Variants in KCNMB2 observed in about 807,000 individuals in gnomAD.
The protein encoded by KCNMB2 is calcium-activated potassium channel subunit beta-2.
In KCNMB2, 9 loss-of-function variants were observed where a neutral mutation model predicts 24.5. The ratio of observed to expected loss-of-function variants is 0.37; its 90% CI spans 0.22 to 0.64. The LOEUF is 0.64. KCNMB2 is among the 30% of genes least tolerant of loss of function. The pLI, the probability that KCNMB2 is intolerant of heterozygous loss-of-function variation, is 0.63. For missense variants in KCNMB2, 226 were observed against 284.3 expected (o/e 0.79, Z 1.47); for synonymous variants, 109 against 104.4 (o/e 1.04, Z -0.27).
intron 1 of KCNMB2, among the ~76,000 whole-genome samples, chr3:178,686,025 CT>C (rs1408132947): frequency 1.3e-5 from 2 of 151,868 alleles, no homozygotes; most frequent in African/African-American, 4.8e-5. Flanking sequence ...TCTTTCATAA[CT>C]GATTTTATTG....
At chr3:178,537,749 G>T (rs1379723678) in intron 1 of KCNMB2, among the ~76,000 whole-genome samples, 1 of 152,160 alleles carries the variant, frequency 6.6e-6, no homozygotes, top group Non-Finnish European at 1.5e-5. Flanking sequence ...ATGTGAAGTG[G>T]CAGAAACATA....
At chr3:178,779,819 C>T (rs951300075) in intron 1 of KCNMB2, among the ~76,000 whole-genome samples, 2 of 152,042 alleles carry the variant, frequency 1.3e-5, no homozygotes, top group African/African-American at 4.8e-5. Context: ...TACATTAACC[C>T]ATTATGAGTT....
chr3:178,835,837 AG>A lies in KCNMB2; in HGVS notation c.424-6815del, dbSNP rs1254170927. On this transcript the variant is annotated intron_variant, in intron 4 of 4. Transcript: ENST00000452583. ...TACAGTCTTTACTGAAAGGCTTTTT[AG>A]CCACATTCTCAATTCATTTCATCAC... Among the ~76,000 whole-genome samples the A allele has an allele frequency of 3.2e-3, 483 of 152,188 alleles. 4 individuals carry two copies. Among genetic ancestry groups the A allele is most frequent in the African/African-American group, 0.011 (449 of 41,532 alleles).
chr3:178,742,346 C>T (rs539190281), intron 1 of KCNMB2, among the ~76,000 whole-genome samples: 3 of 152,192 alleles, frequency 2.0e-5, no homozygotes, highest in African/African-American at 7.2e-5. Context: ...TCTAGAGAAA[C>T]CCCTCTGATC....
chr3:178,542,854 G>T (rs1715665452), intron 1 of KCNMB2, among the ~76,000 whole-genome samples: 2 of 152,120 alleles, frequency 1.3e-5, no homozygotes, highest in South Asian at 2.1e-4. Flanking sequence ...GAATATCTTG[G>T]TTTGAATCCC....
At chr3:178,588,890 G>T (rs1434123338) in intron 1 of KCNMB2, among the ~76,000 whole-genome samples, 2 of 152,130 alleles carry the variant, frequency 1.3e-5, no homozygotes, top group African/African-American at 2.4e-5. Flanking sequence ...TGAGATAATG[G>T]ATATGAAACA....
chr3:178,754,627 T>G (rs749493998), intron 1 of KCNMB2, among the ~76,000 whole-genome samples: 1 of 152,158 alleles, frequency 6.6e-6, no homozygotes, highest in Non-Finnish European at 1.5e-5. Context: ...TCATTGAGAT[T>G]TGATGTTATG....
At chr3:178,679,869 T>C (rs918574544) in intron 1 of KCNMB2, among the ~76,000 whole-genome samples, 4 of 152,090 alleles carry the variant, frequency 2.6e-5, no homozygotes, top group African/African-American at 9.7e-5. Flanking sequence ...ATTTCCCTTA[T>C]TTTTTCCAAC....
chr3:178,821,157 C>T (rs1714610199), intron 2 of KCNMB2, among the ~76,000 whole-genome samples: 2 of 152,182 alleles, frequency 1.3e-5, no homozygotes, highest in South Asian at 4.1e-4. Flanking sequence ...ACCACCCCCA[C>T]CCTCAATTCC....
chr3:178,583,825 T>A (rs1717308033), intron 1 of KCNMB2, among the ~76,000 whole-genome samples: 2 of 152,174 alleles, frequency 1.3e-5, no homozygotes, highest in African/African-American at 4.8e-5. Context: ...GAGTTAATGG[T>A]TCCTTTCTTT....
chr3:178,675,115 G>C (rs1721028655), intron 1 of KCNMB2, among the ~76,000 whole-genome samples: 1 of 152,190 alleles, frequency 6.6e-6, no homozygotes, highest in Non-Finnish European at 1.5e-5. Flanking sequence ...TTCAGTAAAT[G>C]TCTGTAAATG....
chr3:178,716,016 G>T (rs1448205613), intron 1 of KCNMB2, among the ~76,000 whole-genome samples: 1 of 152,124 alleles, frequency 6.6e-6, no homozygotes, highest in East Asian at 1.9e-4. Context: ...GACCCTGTGA[G>T]GTATCTTTCC....
chr3:178,731,945 A>T (rs1176424587), intron 1 of KCNMB2, among the ~76,000 whole-genome samples: 1 of 152,142 alleles, frequency 6.6e-6, no homozygotes, highest in Non-Finnish European at 1.5e-5. Context: ...AGATCTAACT[A>T]CGAATATACA....
Position 178,641,905 on chromosome 3 carries a change from T to C in KCNMB2, c.-68+105194T>C, listed in dbSNP as rs1719742134. Among the ~76,000 whole-genome samples the C allele has an allele frequency of 2.0e-5, 3 of 152,172 alleles. No homozygotes were observed. The South Asian group carries it at 6.2e-4, about 31-fold the overall frequency. On this transcript the variant is annotated intron_variant, in intron 1 of 4. Coordinates refer to ENST00000452583, the MANE Select transcript of KCNMB2 (RefSeq NM_181361.3). ...TTAAAAACTTTCTTTTTAACTTTTA[T>C]ATTTCATCTCAATATGTTTCTAAAT...
intron 1 of KCNMB2, among the ~76,000 whole-genome samples, chr3:178,745,451 G>A (rs190327873): frequency 1.2e-3 from 186 of 152,210 alleles, no homozygotes; most frequent in Admixed American, 3.9e-3. Context: ...CCCACAACAC[G>A]TGGGAATTCA....
chr3:178,788,763 A>C (rs1461399837), intron 1 of KCNMB2, among the ~76,000 whole-genome samples: 1 of 152,210 alleles, frequency 6.6e-6, no homozygotes, highest in African/African-American at 2.4e-5. Flanking sequence ...ATGCAATGCA[A>C]AACTTATTTT....
chr3:178,777,805 T>C (rs577391040), intron 1 of KCNMB2, among the ~76,000 whole-genome samples: 1 of 152,312 alleles, frequency 6.6e-6, no homozygotes, highest in South Asian at 2.1e-4. Flanking sequence ...ATAGTAATTA[T>C]TTTTAGTAAA....
chr3:178,614,297 G>GTATATGTATATATATATATATATATA (rs1718620687), intron 1 of KCNMB2, among the ~76,000 whole-genome samples: 1 of 54,594 alleles, frequency 1.8e-5, no homozygotes, highest in African/African-American at 6.9e-5. Context: ...ATATATATAT[G>GTATATGTATATATATATATATATATA]TATGTATATA....
At chr3:178,797,449 T>G (rs1713595107) in intron 1 of KCNMB2, among the ~76,000 whole-genome samples, 1 of 151,974 alleles carries the variant, frequency 6.6e-6, no homozygotes, top group South Asian at 2.1e-4. Context: ...CAGGCCAATA[T>G]CCCTGATGAA....
Sources: gnomAD v4.1 joint callset for allele counts (sites outside exome capture counted in the v4.1 genomes callset) on GRCh38, gnomAD v4.1.1 for gene constraint, MANE v1.5 for transcripts, NCBI Gene and HGNC (gene_info 2026-07-23, HGNC 2026-07-21) for gene names.